Variants in GAS2 observed in about 807,000 individuals in gnomAD.
GAS2 encodes growth arrest specific 2.
In GAS2, 20 loss-of-function variants were observed where a neutral mutation model predicts 37.5. That is an observed-to-expected ratio of 0.53 (90% confidence interval 0.37 to 0.77). The LOEUF (loss-of-function observed/expected upper bound fraction) is 0.77, where lower values mean the gene tolerates loss of function less well. Among genes scored for constraint, GAS2 ranks in the 30% least tolerant of loss-of-function variants. GAS2 has a pLI of 0.00. For synonymous variants in GAS2, 144 were observed against 132.2 expected (o/e 1.09, Z -0.61); for missense variants, 336 against 373.4 (o/e 0.90, Z 0.82).
chr11:22,663,425 T>C (rs1303612313), upstream of GAS2, among the ~76,000 whole-genome samples: 1 of 151,244 alleles, frequency 6.6e-6, no homozygotes, highest in Non-Finnish European at 1.5e-5. Context: ...AATAAAAAAA[T>C]AAAAAATAAA....
chr11:22,674,232 T>A (rs1043859790), intron 1 of GAS2, among the ~76,000 whole-genome samples: 1 of 151,994 alleles, frequency 6.6e-6, no homozygotes, highest in Non-Finnish European at 1.5e-5. Context: ...TTTTTTATTT[T>A]TCTTTTTTTG....
At chr11:22,752,921 T>C (rs565006116) in intron 6 of GAS2, among the ~76,000 whole-genome samples, 3 of 152,140 alleles carry the variant, frequency 2.0e-5, no homozygotes, top group East Asian at 3.9e-4. Context: ...AACACAGTGG[T>C]TTCCATTCAG....
intron 6 of GAS2, 92 bp downstream of exon 6, chr11:22,749,353 A>G (rs1853602365): frequency 8.7e-7 from 1 of 1,144,118 alleles, no homozygotes; most frequent in Non-Finnish European, 1.2e-6. Context: ...TCTAATCTTT[A>G]CCTATATCAA....
chr11:22,788,697 A>G (rs1260712687), intron 7 of GAS2, among the ~76,000 whole-genome samples: 1 of 152,182 alleles, frequency 6.6e-6, no homozygotes, highest in Non-Finnish European at 1.5e-5. Context: ...TTAATTACTT[A>G]TTCCCTCATT....
intron 5 of GAS2, among the ~76,000 whole-genome samples, chr11:22,744,868 T>C (rs1853294580): frequency 1.3e-5 from 2 of 151,762 alleles, no homozygotes; most frequent in Non-Finnish European, 2.9e-5. Flanking sequence ...GAAGTCAAAT[T>C]ATCTCCCTAC....
At chr11:22,656,815 G>A (rs1443654144) in intron 1 of GAS2, among the ~76,000 whole-genome samples, 5 of 152,110 alleles carry the variant, frequency 3.3e-5, no homozygotes, top group South Asian at 4.2e-4. Context: ...TCGAGGAGGC[G>A]TACTTATAGC....
At chr11:22,679,234 C>A (rs1849566967) in intron 2 of GAS2, among the ~76,000 whole-genome samples, 1 of 152,028 alleles carries the variant, frequency 6.6e-6, no homozygotes, top group Non-Finnish European at 1.5e-5. Flanking sequence ...AAAAAGACAG[C>A]AAAACAGTCA....
chr11:22,696,921 T>G (rs1490992695), intron 3 of GAS2, among the ~76,000 whole-genome samples: 1 of 149,018 alleles, frequency 6.7e-6, no homozygotes, highest in African/African-American at 2.5e-5. Flanking sequence ...GTAGTTTCTT[T>G]TGCTGTGCAG....
upstream of GAS2, among the ~76,000 whole-genome samples, chr11:22,664,293 A>G (rs981759477): frequency 6.6e-6 from 1 of 151,584 alleles, no homozygotes; most frequent in Non-Finnish European, 1.5e-5. Flanking sequence ...TGGGAGAAGG[A>G]CTAAGAGAGA....
In GAS2 at chr11:22,685,753, A is replaced by G; in HGVS notation, c.231A>G (p.Lys77=). The G allele has an allele frequency of 1.2e-6, 2 of 1,613,842 alleles. No homozygotes were observed. The highest frequency in any genetic ancestry group is 1.7e-6 in the Non-Finnish European group (2 of 1,179,872). Residue 77 remains lysine, a synonymous_variant, in exon 3 of 8, where the codon AAA becomes AAG. Coordinates refer to ENST00000454584, the MANE Select transcript of GAS2 (RefSeq NM_001143830.3). ...LCQLAETMQE[K]FKESMDANKP... is the part of the protein sequence containing the mutation. ...AACTTGCAGAAACTATGCAGGAGAA[A>G]TTCAAGGAGAGCATGGATGCTAACA...
In GAS2 at chr11:22,651,738, T is replaced by C. The variant is rs191646378; in HGVS notation, c.-20-23112T>C. Among the ~76,000 whole-genome samples the C allele has an allele frequency of 3.8e-3, 579 of 152,320 alleles. 14 individuals are homozygous for C. In the East Asian group the frequency reaches 0.077, roughly 20 times the overall value. ...GCTCCTGAGGCTTCTGCATTCTTCA[T>C]GTAGTTCTCGAGCCTTGGTTTTCAG... On this transcript the variant is annotated intron_variant, in intron 1 of 5. Coordinates refer to the GAS2 transcript ENST00000528582.
At chr11:22,679,974 T>G (rs1182845226) in intron 2 of GAS2, among the ~76,000 whole-genome samples, 4 of 152,178 alleles carry the variant, frequency 2.6e-5, no homozygotes, top group Non-Finnish European at 5.9e-5. Flanking sequence ...TTCCACTTAA[T>G]ATGAGCAATA....
chr11:22,798,851 A>G (rs980590113), intron 7 of GAS2, among the ~76,000 whole-genome samples: 1 of 152,016 alleles, frequency 6.6e-6, no homozygotes, highest in African/African-American at 2.4e-5. Flanking sequence ...TCACTCCTCC[A>G]TGTGTCAAGG....
chr11:22,675,548 C>T (rs1036591407), intron 2 of GAS2, among the ~76,000 whole-genome samples: 20 of 152,148 alleles, frequency 1.3e-4, no homozygotes, highest in African/African-American at 4.3e-4. Flanking sequence ...AAGGTCTAGT[C>T]TAACAGTACT....
intron 4 of GAS2, among the ~76,000 whole-genome samples, chr11:22,730,551 A>C (rs1475400218): frequency 6.6e-6 from 1 of 151,772 alleles, no homozygotes; most frequent in Non-Finnish European, 1.5e-5. Context: ...TTGACGTATA[A>C]GTGACAAGAG....
At chr11:22,765,164 T>C (rs1854618385) in intron 7 of GAS2, among the ~76,000 whole-genome samples, 1 of 152,200 alleles carries the variant, frequency 6.6e-6, no homozygotes, top group Admixed American at 6.5e-5. Context: ...GTATTTTATA[T>C]CTAGTGATGT....
At chr11:22,648,524 A>T in intron 1 of GAS2, among the ~76,000 whole-genome samples, 1 of 152,104 alleles carries the variant, frequency 6.6e-6, no homozygotes, top group African/African-American at 2.4e-5. Flanking sequence ...CAGTATGGCC[A>T]TTTTCACAAT....
At chr11:22,675,687 T>TAGC (rs1849397192) in intron 2 of GAS2, among the ~76,000 whole-genome samples, 1 of 23,798 alleles carries the variant, frequency 4.2e-5, no homozygotes, top group South Asian at 1.0e-3. Flanking sequence ...TCATCATATA[T>TAGC]AGCAGCACTA....
intron 7 of GAS2, among the ~76,000 whole-genome samples, chr11:22,766,536 T>G (rs1004451736): frequency 3.3e-5 from 5 of 152,210 alleles, no homozygotes; most frequent in African/African-American, 1.2e-4. Flanking sequence ...TAGCTCCTAG[T>G]TTGCTTATTC....
Sources: gnomAD v4.1 joint callset for allele counts (sites outside exome capture counted in the v4.1 genomes callset) on GRCh38, gnomAD v4.1.1 for gene constraint, MANE v1.5 for transcripts, NCBI Gene and HGNC (gene_info 2026-07-23, HGNC 2026-07-21) for gene names.